The following TBC1D9 variants were observed in gnomAD, a reference collection of about 807,000 sequenced individuals.
The protein encoded by TBC1D9 is TBC1 domain family member 9.
In TBC1D9, 63 loss-of-function variants were observed where a neutral mutation model predicts 132.0. The observed-to-expected ratio is 0.48, with a 90% CI of 0.39 to 0.59. TBC1D9 has a LOEUF of 0.59. Ranked by LOEUF, TBC1D9 falls within the 20% of genes least tolerant of loss-of-function variation. The probability of loss-of-function intolerance (pLI) is 0.00; values close to 1 mark genes in which losing one functional copy is unlikely to be tolerated. For synonymous variants in TBC1D9, 610 were observed against 609.9 expected (o/e 1.00, Z 0.00); for missense variants, 1,261 against 1,592.7 (o/e 0.79, Z 3.54).
intron 13 of TBC1D9, among the ~76,000 whole-genome samples, chr4:140,652,085 C>T (rs1737195281): frequency 6.6e-6 from 1 of 151,652 alleles, no homozygotes; most frequent in Non-Finnish European, 1.5e-5. Context: ...CCAAAAATAC[C>T]AAAAGATTAG....
At chr4:140,668,366 G>A (rs1365043221) in intron 9 of TBC1D9, among the ~76,000 whole-genome samples, 1 of 152,238 alleles carries the variant, frequency 6.6e-6, no homozygotes, top group East Asian at 1.9e-4. Context: ...CTGGCTTGAA[G>A]TACAAGGTAT....
chr4:140,641,684 AG>A (rs749233114), intron 13 of TBC1D9, among the ~76,000 whole-genome samples: 2 of 152,206 alleles, frequency 1.3e-5, no homozygotes, highest in Non-Finnish European at 2.9e-5. Context: ...AGAAAAATGC[AG>A]ACTCAGAAGC....
Position 140,706,242 on chromosome 4 carries a change from A to G in TBC1D9, c.131-4628T>C, listed in dbSNP as rs1738150116. Among the ~76,000 whole-genome samples the G allele has an allele frequency of 6.6e-6, 1 of 152,236 alleles. No homozygotes were observed. Among genetic ancestry groups the G allele is most frequent in the Non-Finnish European group, 1.5e-5 (1 of 68,038 alleles). On this transcript the variant is annotated intron_variant, in intron 1 of 20. Coordinates refer to ENST00000442267, the MANE Select transcript of TBC1D9 (RefSeq NM_015130.3). The surrounding 1 kb of genome is among the most constrained non-coding windows in gnomAD (Gnocchi z 4.0). ...AAAGTTAAACTGGACAGGATCCTAAAGATCACTTGGCCTCCCCGACTCCAT... is the reference window on the plus strand; with the variant it reads ...AAAGTTAAACTGGACAGGATCCTAAGGATCACTTGGCCTCCCCGACTCCAT...
intron 17 of TBC1D9, 132 bp downstream of exon 17, chr4:140,628,167 GT>G (rs1736737290): frequency 1.4e-6 from 1 of 692,100 alleles, no homozygotes; most frequent in South Asian, 1.8e-5. Flanking sequence ...AATTGTCATT[GT>G]TCAGTTAGTT....
intron 1 of TBC1D9, among the ~76,000 whole-genome samples, chr4:140,740,187 C>G (rs183897330): frequency 6.6e-6 from 1 of 152,328 alleles, no homozygotes; most frequent in Admixed American, 6.5e-5. Flanking sequence ...AGTCATACAA[C>G]AGGCCTCTTC....
intron 1 of TBC1D9, among the ~76,000 whole-genome samples, chr4:140,732,705 T>C (rs1009720382): frequency 2.0e-5 from 3 of 152,152 alleles, no homozygotes; most frequent in Non-Finnish European, 4.4e-5. Context: ...CCAAGGAACA[T>C]AACACCCCAT....
chr4:140,711,017 T>A (rs1220081818), intron 1 of TBC1D9, among the ~76,000 whole-genome samples: 1 of 152,162 alleles, frequency 6.6e-6, no homozygotes, highest in Non-Finnish European at 1.5e-5. Flanking sequence ...ACGAACAAGC[T>A]TGCTGCTTTC....
intron 1 of TBC1D9, among the ~76,000 whole-genome samples, chr4:140,747,594 C>A (rs1738857489): frequency 6.6e-6 from 1 of 151,974 alleles, no homozygotes; most frequent in Non-Finnish European, 1.5e-5. Flanking sequence ...AACAAGTTAC[C>A]ATACCTGAAA....
At position 140,698,407 on chromosome 4, in the gene TBC1D9, T is replaced by C. The variant is rs543608127; in HGVS notation, c.241+3097A>G. Among the ~76,000 whole-genome samples the C allele has an allele frequency of 3.8e-4, 58 of 152,328 alleles. 1 individual carries two copies. The highest frequency in any genetic ancestry group is 2.0e-3 in the Admixed American group (31 of 15,294). ...TCATGGGCTGTGTAAACAATGGTTA[T>C]AGTCAATTGTCATTCGCTGGGCTGT... On this transcript the variant is annotated intron_variant, in intron 2 of 20. Coordinates refer to ENST00000442267, the MANE Select transcript of TBC1D9 (RefSeq NM_015130.3).
At chr4:140,716,179 A>C (rs1320097279) in intron 1 of TBC1D9, 2 of 152,142 alleles carry the variant, frequency 1.3e-5, no homozygotes, top group East Asian at 3.9e-4. Flanking sequence ...ATAGCTTGAA[A>C]CCTGTTTTGA....
rs772136369 is a variant in TBC1D9, at chr4:140,639,116, A to G, written c.2475T>C (p.Asp825=). The change falls in exon 15 of 21, where the codon GAT becomes GAC. Residue 825 remains aspartate (D), a synonymous_variant. Transcript: ENST00000442267. ...TIVTETSFTI[D]ELEELYALFK... ...AAAGAGCATAAAGTTCTTCCAGCTC[A>G]TCAATGGTAAAGGAAGTTTCTGTCA... 2 of 1,590,690 alleles carry G rather than the reference A, an allele frequency of 1.3e-6. No individual in the cohort carries two copies.
At chr4:140,639,457 A>C in intron 13 of TBC1D9, 29 bp from the exon 14 acceptor site, 1 of 1,511,458 alleles carries the variant, frequency 6.6e-7, no homozygotes, top group South Asian at 1.2e-5. Flanking sequence ...GGTGTCTCTG[A>C]AAAAATCTCT....
At chr4:140,637,114 G>T (rs1199216151) in intron 15 of TBC1D9, among the ~76,000 whole-genome samples, 1 of 152,198 alleles carries the variant, frequency 6.6e-6, no homozygotes, top group Non-Finnish European at 1.5e-5. Flanking sequence ...CACTTTGGGA[G>T]GCCAAGGCAG....
At chr4:140,657,849 C>T in intron 11 of TBC1D9, 37 bp from the exon 12 acceptor site, 1 of 1,579,350 alleles carries the variant, frequency 6.3e-7, no homozygotes, top group Non-Finnish European at 8.6e-7. Flanking sequence ...CGCAGCTTAG[C>T]CAACTACACA....
At chr4:140,743,343 A>G (rs2111080215) in intron 1 of TBC1D9, among the ~76,000 whole-genome samples, 1 of 152,310 alleles carries the variant, frequency 6.6e-6, no homozygotes, top group East Asian at 1.9e-4. Flanking sequence ...ATGGTTCTTT[A>G]TGTTTCCTGT....
chr4:140,695,787 A>C (rs1292771074), intron 2 of TBC1D9, among the ~76,000 whole-genome samples: 1 of 152,142 alleles, frequency 6.6e-6, no homozygotes, highest in Non-Finnish European at 1.5e-5. Context: ...CCATATCCAA[A>C]ACAAGAGCTG....
At chr4:140,632,158 C>T (rs1736804296) in intron 16 of TBC1D9, among the ~76,000 whole-genome samples, 2 of 152,160 alleles carry the variant, frequency 1.3e-5, no homozygotes, top group African/African-American at 4.8e-5. Flanking sequence ...ATTCTCCTTA[C>T]TGGAGTTGAC....
chr4:140,657,287 C>T (rs1578827918), intron 12 of TBC1D9, 61 bp from the exon 13 acceptor site: 1 of 1,564,550 alleles, frequency 6.4e-7, no homozygotes, highest in African/African-American at 1.4e-5. Context: ...CATTATAATT[C>T]TCCAATCATT....
At chr4:140,683,200 A>C (rs1737731974) in intron 3 of TBC1D9, among the ~76,000 whole-genome samples, 1 of 152,130 alleles carries the variant, frequency 6.6e-6, no homozygotes, top group African/African-American at 2.4e-5. Context: ...TTTTAAAGAG[A>C]AAATGCTTTT....
Sources: allele counts gnomAD v4.1 joint callset (sites outside exome capture counted in the v4.1 genomes callset), GRCh38; gene constraint gnomAD v4.1.1; non-coding constraint Gnocchi (gnomAD v3.1); transcripts MANE v1.5; gene names NCBI Gene and HGNC (gene_info 2026-07-23, HGNC 2026-07-21).